The following TMEM216 variants were observed in gnomAD, a reference collection of about 807,000 sequenced individuals.
TMEM216 encodes the protein cerebello-oculo-renal syndrome 2.
Under a neutral mutation model 17.8 loss-of-function variants are expected in TMEM216, and 15 were observed. That is an observed-to-expected ratio of 0.84 (90% CI 0.56 to 1.30). The LOEUF (loss-of-function observed/expected upper bound fraction) is 1.30, where lower values mean the gene tolerates loss of function less well. Among genes scored for constraint, TMEM216 ranks in the 50% most tolerant of loss-of-function variants. The pLI, the probability that TMEM216 is intolerant of heterozygous loss-of-function variation, is 0.00. For synonymous variants in TMEM216, 58 were observed against 73.5 expected, an observed-to-expected ratio of 0.79 and a Z score of 1.08; for missense variants, 160 against 175.7, an observed-to-expected ratio of 0.91 and a Z score of 0.51.
At position 61,398,237 on chromosome 11, in the gene TMEM216, A is replaced by G. The variant is rs114624627; in HGVS notation, c.432-33A>G. On this transcript the variant is annotated intron_variant, in intron 4 of 4. Transcript: ENST00000515837. ...GCTGCTCTCATTCACTGGTCTTTTAACATTTTCTTTCTTTCTGCCATCGTA... is the reference window on the plus strand; with the variant it reads ...GCTGCTCTCATTCACTGGTCTTTTAGCATTTTCTTTCTTTCTGCCATCGTA... 7,455 of 1,574,732 alleles carry G rather than the reference A, an allele frequency of 4.7e-3. 337 individuals carry two copies. In the African/African-American group the frequency reaches 0.099, roughly 21 times the overall value.
At chr11:61,398,135 A>G in intron 4 of TMEM216, 135 bp from the exon 5 acceptor site, 2 of 1,407,698 alleles carry the variant, frequency 1.4e-6, no homozygotes, top group South Asian at 1.2e-5. Context: ...GGGTAGGTAG[A>G]TCGTTTCCCA....
rs1164422073 is a variant in TMEM216 at position 61,392,598 on chromosome 11, C to T, written c.-34C>T. On this transcript the variant is annotated 5_prime_UTR_variant, in exon 1 of 5. Coordinates refer to ENST00000515837, the MANE Select transcript of TMEM216 (RefSeq NM_001173990.3). ...GCCGCTTCGTCCCTGTTTCCGGCAG[C>T]GCCGCGCTGCTCCGGGAGCCGCTGT... The T allele has an allele frequency of 5.2e-6, 8 of 1,533,904 alleles. No individual in the cohort carries two copies. The highest frequency in any genetic ancestry group is 1.8e-4 in the Middle Eastern group (1 of 5,698).
intron 1 of TMEM216, chr11:61,392,927 C>T: frequency 1.0e-6 from 1 of 955,156 alleles, no homozygotes; most frequent in Non-Finnish European, 1.2e-6. Flanking sequence ...TGCGCCCCAA[C>T]TTCCCCTCCC....
At chr11:61,393,842 C>G (rs1290847196) in intron 2 of TMEM216, 42 bp from the exon 3 acceptor site, 1 of 1,509,842 alleles carries the variant, frequency 6.6e-7, no homozygotes, top group Non-Finnish European at 9.2e-7. Flanking sequence ...CTTGTGGGTG[C>G]TGTTATATGC....
chr11:61,394,290 C>T lies in TMEM216; in HGVS notation c.229+314C>T, dbSNP rs114242259. The T allele has an allele frequency of 1.2e-3, 406 of 345,864 alleles. 1 individual carries two copies. Among genetic ancestry groups the T allele is most frequent in the African/African-American group, 7.9e-3 (378 of 47,876 alleles). The allele number at this position is 345,864 out of a possible 1,614,324, so 21.4% of individuals were successfully genotyped here. On this transcript the variant is annotated intron_variant, in intron 3 of 4. Transcript: ENST00000515837. ...GGGAATAGGTTCAGTTGTAACTCCA[C>T]GTCAGGGCAGGCAGTGTATCCTGTA...
intron 1 of TMEM216, 58 bp downstream of exon 1, chr11:61,392,723 A>G: frequency 2.0e-6 from 3 of 1,531,820 alleles, no homozygotes; most frequent in Non-Finnish European, 2.6e-6. Flanking sequence ...GCTCCCTCCC[A>G]CCTCTGTCCC....
intron 3 of TMEM216, among the ~76,000 whole-genome samples, chr11:61,395,317 C>A (rs1266720877): frequency 1.3e-5 from 2 of 152,048 alleles, no homozygotes; most frequent in Non-Finnish European, 1.5e-5. Flanking sequence ...CAGAGCAAAA[C>A]CCTTATTTGT....
chr11:61,397,467 A>G (rs1192468575), intron 3 of TMEM216, among the ~76,000 whole-genome samples: 4 of 152,002 alleles, frequency 2.6e-5, no homozygotes, highest in African/African-American at 9.7e-5. Flanking sequence ...GCACCCGGCC[A>G]TTGAAAATTT....
rs180931760 is a variant in TMEM216, at chr11:61,397,726, A to G, written c.230-48A>G. ...ATCTCCCACGCCTTTCCCCTGGGCC[A>G]GGAAAAGCAGACCATTTGGAGATGA... On this transcript the variant is annotated intron_variant, in intron 3 of 4. Transcript: ENST00000515837. 121 of 1,566,286 alleles carry G rather than the reference A, an allele frequency of 7.7e-5. 1 individual carries two copies. The Middle Eastern group carries it at 9.1e-4, about 12-fold the overall frequency.
intron 4 of TMEM216, 31 bp downstream of exon 4, chr11:61,398,006 C>T: frequency 6.2e-7 from 1 of 1,610,428 alleles, no homozygotes; most frequent in Non-Finnish European, 8.5e-7. Flanking sequence ...TTTCTCATCA[C>T]TAGAGGGTTG....
intron 4 of TMEM216, 45 bp from the exon 5 acceptor site, chr11:61,398,225 A>G: frequency 1.2e-6 from 2 of 1,600,350 alleles, no homozygotes; most frequent in Non-Finnish European, 1.7e-6. Flanking sequence ...GCTCTCATTC[A>G]CTGGTCTTTT....
In TMEM216 at chr11:61,392,717, C is replaced by T. The variant is rs1323935033; in HGVS notation, c.34+52C>T. 4 of 1,535,842 alleles carry T rather than the reference C, an allele frequency of 2.6e-6. No individual in the cohort carries two copies. In the Admixed American group the frequency reaches 7.8e-5, roughly 30 times the overall value. ...CTGGTCCCTTTCCCTTCGGTCGCTC[C>T]CTCCCACCTCTGTCCCAGAGCTTGA... On this transcript the variant is annotated intron_variant, in intron 1 of 4. Transcript: ENST00000515837.
chr11:61,398,244 C>A (rs879834696), intron 4 of TMEM216, 26 bp from the exon 5 acceptor site: 2 of 1,524,208 alleles, frequency 1.3e-6, no homozygotes, highest in Middle Eastern at 1.7e-4. Flanking sequence ...TTAACATTTT[C>A]TTTCTTTCTG....
chr11:61,395,591 C>G (rs1382768150), intron 3 of TMEM216, among the ~76,000 whole-genome samples: 2 of 152,118 alleles, frequency 1.3e-5, no homozygotes, highest in South Asian at 2.1e-4. Flanking sequence ...CAAAAATTAG[C>G]TGGGTGTGGT....
At chr11:61,394,629 G>A (rs1173248237) in intron 3 of TMEM216, among the ~76,000 whole-genome samples, 2 of 150,120 alleles carry the variant, frequency 1.3e-5, no homozygotes, top group African/African-American at 4.9e-5. Context: ...GGCCTCCCAA[G>A]GTGGTGGGAT....
At chr11:61,392,968 TC>T (rs754555936) in intron 1 of TMEM216, 10 of 786,190 alleles carry the variant, frequency 1.3e-5, no homozygotes, top group Non-Finnish European at 1.5e-5. Flanking sequence ...CTTTGAGATG[TC>T]TGTCAGCTGC....
chr11:61,394,483 C>T (rs1240499241), intron 3 of TMEM216, among the ~76,000 whole-genome samples: 2 of 151,954 alleles, frequency 1.3e-5, no homozygotes, highest in African/African-American at 4.8e-5. Flanking sequence ...ATTCTCCTGC[C>T]TCAGCCTCCT....
At chr11:61,396,671 G>A (rs1858805047) in intron 3 of TMEM216, among the ~76,000 whole-genome samples, 1 of 151,916 alleles carries the variant, frequency 6.6e-6, no homozygotes, top group African/African-American at 2.4e-5. Flanking sequence ...GCGGGCACCT[G>A]TAATCCCAGC....
At chr11:61,394,266 G>A in intron 3 of TMEM216, 1 of 393,668 alleles carries the variant, frequency 2.5e-6, no homozygotes, top group Non-Finnish European at 4.8e-6. Context: ...TATTCTTAGG[G>A]GAATAGGTTC....
Sources: gnomAD v4.1 joint callset for allele counts (sites outside exome capture counted in the v4.1 genomes callset) on GRCh38, gnomAD v4.1.1 for gene constraint, MANE v1.5 for transcripts, NCBI Gene and HGNC (gene_info 2026-07-23, HGNC 2026-07-21) for gene names.